Variants in THEMIS observed in about 807,000 individuals in gnomAD.
THEMIS encodes the protein thymocyte selection associated.
Under a neutral mutation model 52.6 loss-of-function variants are expected in THEMIS, and 37 were observed. The observed-to-expected ratio is 0.70, with a 90% confidence interval of 0.54 to 0.93. THEMIS has a LOEUF of 0.93. THEMIS is among the 40% of genes least tolerant of loss of function. THEMIS has a pLI of 0.00. For synonymous variants in THEMIS, 292 were observed against 272.7 expected (o/e 1.07, Z -0.70); for missense variants, 808 against 763.1 (o/e 1.06, Z -0.69).
At position 127,813,123 on chromosome 6, in the gene THEMIS, C is replaced by T. The variant is rs776366118; in HGVS notation, c.1518G>A (p.Val506=). 1 of 1,614,022 alleles carries T rather than the reference C, an allele frequency of 6.2e-7. No homozygotes were observed. The highest frequency in any genetic ancestry group is 8.5e-7 in the Non-Finnish European group (1 of 1,180,002). ...ANPTECWEIP[V]GRLNMTVQLV... ...ACTGAACAGTCATATTCAAGCGGCC[C>T]ACAGGAATTTCCCAGCACTCCGTGG... Residue 506 remains valine, a synonymous_variant, in exon 4 of 6, where the codon GTG becomes GTA. Coordinates refer to ENST00000368248, the MANE Select transcript of THEMIS (RefSeq NM_001010923.3).
At chr6:127,800,724 T>C (rs1180039361) in intron 4 of THEMIS, among the ~76,000 whole-genome samples, 3 of 151,974 alleles carry the variant, frequency 2.0e-5, no homozygotes, top group Admixed American at 6.6e-5. Context: ...GGCAGAAAAA[T>C]GGGAAAGGGG....
intron 1 of THEMIS, among the ~76,000 whole-genome samples, chr6:127,885,843 A>T (rs568853885): frequency 1.3e-5 from 2 of 152,272 alleles, no homozygotes; most frequent in East Asian, 3.9e-4. Flanking sequence ...GGCTTCATCA[A>T]CATTTTTCTT....
intron 4 of THEMIS, among the ~76,000 whole-genome samples, chr6:127,747,001 A>G (rs1330378715): frequency 1.6e-5 from 1 of 63,042 alleles, no homozygotes; most frequent in Non-Finnish European, 2.6e-5. Context: ...ATAGATATCT[A>G]TAATTATATT....
intron 2 of THEMIS, among the ~76,000 whole-genome samples, chr6:127,845,590 T>C (rs1227152065): frequency 1.3e-5 from 2 of 151,920 alleles, no homozygotes; most frequent in Non-Finnish European, 2.9e-5. Context: ...CAAAGCTCAA[T>C]CCCAGAGAAT....
chr6:127,797,575 C>T (rs564852732), intron 4 of THEMIS, among the ~76,000 whole-genome samples: 1 of 152,296 alleles, frequency 6.6e-6, no homozygotes, highest in South Asian at 2.1e-4. Flanking sequence ...AGGCCAGCTC[C>T]TATTTTCTTC....
At chr6:127,896,725 T>C (rs62426471) in intron 1 of THEMIS, among the ~76,000 whole-genome samples, 1,648 of 151,720 alleles carry the variant, frequency 0.011, 18 homozygotes, top group Middle Eastern at 0.024. Context: ...TGTGTTATAA[T>C]CATCAGGAAG....
At chr6:127,711,514 G>T (rs1773981218) in intron 5 of THEMIS, among the ~76,000 whole-genome samples, 2 of 151,932 alleles carry the variant, frequency 1.3e-5, no homozygotes, top group Admixed American at 6.6e-5. Context: ...TGGTCAGTGG[G>T]TTGATGGTGA....
the THEMIS span, among the ~76,000 whole-genome samples, chr6:127,702,574 G>C: frequency 6.7e-6 from 1 of 149,314 alleles, no homozygotes; most frequent in African/African-American, 2.5e-5. Context: ...ATTAATTAAG[G>C]TCTACCATCT....
At position 127,709,735 on chromosome 6, in the gene THEMIS, T is replaced by C; in HGVS notation, c.*250A>G. 1 of 351,416 alleles carries C rather than the reference T, an allele frequency of 2.8e-6. No individual in the cohort carries two copies. The highest frequency in any genetic ancestry group is 5.1e-6 in the Non-Finnish European group (1 of 195,592). 21.8% of individuals were successfully genotyped at this position (351,416 alleles called of 1,614,324 possible). A position where few individuals can be genotyped will look rare whatever the true frequency, so the allele number is the denominator to read the frequency against. On this transcript the variant is annotated 3_prime_UTR_variant, in exon 6 of 6. Coordinates refer to ENST00000368248, the MANE Select transcript of THEMIS (RefSeq NM_001010923.3). ...TGAAAAAATGTGCAAGTTAAATAAA[T>C]ACGTCCTAAAGAACAACAACACAAT...
At chr6:127,718,022 T>C (rs2114478499) in intron 5 of THEMIS, among the ~76,000 whole-genome samples, 1 of 151,998 alleles carries the variant, frequency 6.6e-6, no homozygotes, top group Non-Finnish European at 1.5e-5. Flanking sequence ...ATGGTAAATG[T>C]TAAGTATGGC....
chr6:127,738,644 C>T (rs1179434808), intron 4 of THEMIS, among the ~76,000 whole-genome samples: 2 of 152,112 alleles, frequency 1.3e-5, no homozygotes, highest in African/African-American at 2.4e-5. Flanking sequence ...TAAGCCCTGA[C>T]TTTGCTTATT....
intron 1 of THEMIS, among the ~76,000 whole-genome samples, chr6:127,868,244 T>C (rs1231605198): frequency 6.6e-6 from 1 of 152,170 alleles, no homozygotes; most frequent in Non-Finnish European, 1.5e-5. Context: ...TTACCATTAT[T>C]ATTTTACATG....
intron 4 of THEMIS, among the ~76,000 whole-genome samples, chr6:127,781,263 CA>C (rs199599341): frequency 0.068 from 10,276 of 151,806 alleles, 359 homozygotes; most frequent in Non-Finnish European, 0.086. Context: ...GTTCTTCTCT[CA>C]AGTGGTTATT....
intron 4 of THEMIS, among the ~76,000 whole-genome samples, chr6:127,805,931 T>C (rs374507721): frequency 6.6e-6 from 1 of 152,048 alleles, no homozygotes; most frequent in Non-Finnish European, 1.5e-5. Flanking sequence ...CTGGAACTTA[T>C]CTCCTCTACT....
chr6:127,875,294 T>C (rs2114401327), intron 1 of THEMIS, among the ~76,000 whole-genome samples: 1 of 152,342 alleles, frequency 6.6e-6, no homozygotes, highest in South Asian at 2.1e-4. Flanking sequence ...TAAATGTGTG[T>C]ATGTGTGCAA....
At chr6:127,732,382 A>G (rs1336341247) in intron 4 of THEMIS, among the ~76,000 whole-genome samples, 2 of 152,194 alleles carry the variant, frequency 1.3e-5, no homozygotes, top group Non-Finnish European at 2.9e-5. Flanking sequence ...TTTGCTTATA[A>G]GTACAATATT....
At chr6:127,802,831 G>A (rs1330363898) in intron 4 of THEMIS, among the ~76,000 whole-genome samples, 1 of 152,118 alleles carries the variant, frequency 6.6e-6, no homozygotes, top group Non-Finnish European at 1.5e-5. Flanking sequence ...TTTTACCAGG[G>A]TAACTGTGCA....
At chr6:127,763,085 C>G (rs1205804128) in intron 4 of THEMIS, among the ~76,000 whole-genome samples, 2 of 152,016 alleles carry the variant, frequency 1.3e-5, no homozygotes, top group East Asian at 3.9e-4. Context: ...TAATCCCAAC[C>G]AGGGTTTACT....
At chr6:127,781,845 G>T (rs1364190189) in intron 4 of THEMIS, among the ~76,000 whole-genome samples, 3 of 152,152 alleles carry the variant, frequency 2.0e-5, no homozygotes, top group African/African-American at 4.8e-5. Flanking sequence ...CTCCCAGGAG[G>T]TGTCTCCCAG....
Sources: gnomAD v4.1 joint callset for allele counts (sites outside exome capture counted in the v4.1 genomes callset) on GRCh38, gnomAD v4.1.1 for gene constraint, MANE v1.5 for transcripts, NCBI Gene and HGNC (gene_info 2026-07-23, HGNC 2026-07-21) for gene names.